Variants in AKAIN1 observed in about 807,000 individuals in gnomAD.
AKAIN1 encodes A-kinase anchor inhibitor 1, also known as A-kinase anchor protein inhibitor 1.
Under a neutral mutation model 3.7 loss-of-function variants are expected in AKAIN1, and 3 were observed. The ratio of observed to expected loss-of-function variants is 0.82; its 90% confidence interval spans 0.37 to 2.12. The LOEUF (loss-of-function observed/expected upper bound fraction) is 2.12. Among genes scored for constraint, AKAIN1 ranks in the 30% most tolerant of loss-of-function variants. AKAIN1 has a pLI of 0.06. For missense variants in AKAIN1, 82 were observed against 82.7 expected, an observed-to-expected ratio of 0.99 and a Z score of 0.03; for synonymous variants, 31 against 30.8, an observed-to-expected ratio of 1.01 and a Z score of -0.02.
chr18:5,196,663 C>T (rs1359894915), intron 1 of AKAIN1, among the ~76,000 whole-genome samples: 1 of 152,212 alleles, frequency 6.6e-6, no homozygotes, highest in African/African-American at 2.4e-5. Flanking sequence ...GAGATTCCCA[C>T]GCAAGTAGCC....
At chr18:5,166,851 T>C (rs185448406) in intron 1 of AKAIN1, among the ~76,000 whole-genome samples, 6 of 152,220 alleles carry the variant, frequency 3.9e-5, no homozygotes, top group South Asian at 2.1e-4. Context: ...GAATCAGTTG[T>C]AGACACTTTT....
chr18:5,161,509 A>G (rs1381193526), intron 1 of AKAIN1, among the ~76,000 whole-genome samples: 1 of 151,788 alleles, frequency 6.6e-6, no homozygotes, highest in Non-Finnish European at 1.5e-5. Context: ...TCCACCTTCT[A>G]TTTATTTATT....
chr18:5,174,805 A>G (rs2071217053), intron 1 of AKAIN1, among the ~76,000 whole-genome samples: 1 of 151,960 alleles, frequency 6.6e-6, no homozygotes, highest in Non-Finnish European at 1.5e-5. Flanking sequence ...AACAGAGCAG[A>G]CTCCACCACG....
At chr18:5,162,878 G>A (rs1208362365) in intron 1 of AKAIN1, among the ~76,000 whole-genome samples, 2 of 151,850 alleles carry the variant, frequency 1.3e-5, no homozygotes, top group African/African-American at 4.8e-5. Context: ...ATAGCCTCAG[G>A]CAGGTCATGG....
At position 5,172,704 on chromosome 18, in the gene AKAIN1, T is replaced by C. The variant is rs552562193; in HGVS notation, c.16+24334A>G. Among the ~76,000 whole-genome samples, 271 of 151,862 alleles carry C rather than the reference T, an allele frequency of 1.8e-3. 2 individuals carry two copies. Among genetic ancestry groups the C allele is most frequent in the African/African-American group, 6.2e-3 (256 of 41,530 alleles). Reference sequence around the variant, plus strand: ...CTTGTTTCTTGGTCTCTTTTATTTATATTTATTAAAAATATATAAAAAATT... The same window carrying C: ...CTTGTTTCTTGGTCTCTTTTATTTACATTTATTAAAAATATATAAAAAATT... On this transcript the variant is annotated intron_variant, in intron 1 of 1. Transcript: ENST00000434239.
chr18:5,175,258 A>G (rs1280023831), intron 1 of AKAIN1, among the ~76,000 whole-genome samples: 2 of 152,140 alleles, frequency 1.3e-5, no homozygotes, highest in Non-Finnish European at 2.9e-5. Flanking sequence ...ACAGTGGCTC[A>G]TGATGCATGT....
At position 5,144,434 on chromosome 18, in the gene AKAIN1, T is replaced by A. The variant is rs972167582; in HGVS notation, c.*1128A>T. On this transcript the variant is annotated 3_prime_UTR_variant, in exon 2 of 2. Transcript: ENST00000434239. Reference sequence around the variant, plus strand: ...GTAGATACTCCAGAAATATGTGCATTATCCTCACAGAAGTGGAGCAGGGAT... The same window carrying A: ...GTAGATACTCCAGAAATATGTGCATAATCCTCACAGAAGTGGAGCAGGGAT... Among the ~76,000 whole-genome samples, 2 of 152,168 alleles carry A rather than the reference T, an allele frequency of 1.3e-5. No homozygotes were observed. Among genetic ancestry groups the A allele is most frequent in the Non-Finnish European group, 2.9e-5 (2 of 68,030 alleles).
At chr18:5,167,201 A>G (rs180708960) in intron 1 of AKAIN1, among the ~76,000 whole-genome samples, 5 of 152,234 alleles carry the variant, frequency 3.3e-5, no homozygotes, top group African/African-American at 1.2e-4. Flanking sequence ...AGAGAAATGT[A>G]CTGAAAGAGT....
chr18:5,177,768 T>C (rs1389058887), intron 1 of AKAIN1, among the ~76,000 whole-genome samples: 1 of 152,146 alleles, frequency 6.6e-6, no homozygotes, highest in Non-Finnish European at 1.5e-5. Flanking sequence ...ATAATATACT[T>C]ACCTCAATAA....
chr18:5,163,714 G>A (rs1380918831), intron 1 of AKAIN1: 1 of 151,976 alleles, frequency 6.6e-6, no homozygotes, highest in Non-Finnish European at 1.5e-5. Context: ...CTTAATTGGA[G>A]TTAATAGGAC....
rs76761214 is a variant in AKAIN1 at position 5,161,133 on chromosome 18, C to T, written c.17-15378G>A. On this transcript the variant is annotated intron_variant, in intron 1 of 1. Coordinates refer to ENST00000434239, the MANE Select transcript of AKAIN1 (RefSeq NM_001145194.2). ...GACTCCATAGTTCCATGGAGCTTCACTGGCTTCACTTGGGAAAATTAGATC... is the reference window on the plus strand; with the variant it reads ...GACTCCATAGTTCCATGGAGCTTCATTGGCTTCACTTGGGAAAATTAGATC... Among the ~76,000 whole-genome samples the T allele has an allele frequency of 7.9e-3, 1,201 of 152,144 alleles. 18 individuals carry two copies. The highest frequency in any genetic ancestry group is 0.026 in the African/African-American group (1,086 of 41,524).
At chr18:5,182,631 T>C (rs561257690) in intron 1 of AKAIN1, among the ~76,000 whole-genome samples, 2 of 152,232 alleles carry the variant, frequency 1.3e-5, no homozygotes, top group East Asian at 3.9e-4. Flanking sequence ...ATCAGTTTTA[T>C]AGAGAAGGAG....
intron 1 of AKAIN1, among the ~76,000 whole-genome samples, chr18:5,179,058 T>A (rs1008396217): frequency 2.0e-5 from 3 of 152,174 alleles, no homozygotes; most frequent in Non-Finnish European, 4.4e-5. Flanking sequence ...AGCACCATTT[T>A]TTAAAATCGA....
In AKAIN1 at chr18:5,197,228, A is replaced by T; in HGVS notation, c.-175T>A. ...CGCTAGATCCTGGGGCCGCAGCTCC[A>T]GCCGCCGCCGCGCGCTCTGCCTCCA... is the stretch of plus-strand genomic sequence containing the variant. On this transcript the variant is annotated 5_prime_UTR_variant, in exon 1 of 2. Transcript: ENST00000434239. The surrounding 1 kb of genome is among the most constrained non-coding windows in gnomAD (Gnocchi z 6.9). 1 of 1,384,818 alleles carries T rather than the reference A, an allele frequency of 7.2e-7. No homozygotes were observed. Among genetic ancestry groups the T allele is most frequent in the Non-Finnish European group, 9.3e-7 (1 of 1,079,520 alleles). 85.8% of individuals were successfully genotyped at this position (1,384,818 alleles called of 1,614,324 possible).
chr18:5,164,865 G>C (rs530473095), intron 1 of AKAIN1, among the ~76,000 whole-genome samples: 1 of 152,104 alleles, frequency 6.6e-6, no homozygotes, highest in Non-Finnish European at 1.5e-5. Flanking sequence ...GATGGGTAAG[G>C]AAAATTGTCA....
intron 1 of AKAIN1, among the ~76,000 whole-genome samples, chr18:5,167,336 C>T (rs72869072): frequency 0.056 from 8,548 of 152,134 alleles, 320 homozygotes; most frequent in Non-Finnish European, 0.078. Context: ...TCTCTTCCGT[C>T]GTATGGCCGC....
At chr18:5,190,653 A>T (rs1056554102) in intron 1 of AKAIN1, among the ~76,000 whole-genome samples, 1 of 152,152 alleles carries the variant, frequency 6.6e-6, no homozygotes, top group Non-Finnish European at 1.5e-5. Flanking sequence ...TGGGTAGCTT[A>T]AACTTTAGAC....
At chr18:5,163,647 C>A (rs2071152035) in intron 1 of AKAIN1, 1 of 151,914 alleles carries the variant, frequency 6.6e-6, no homozygotes, top group Non-Finnish European at 1.5e-5. Flanking sequence ...CTTGAAATTC[C>A]TTGTATGTTA....
At chr18:5,185,557 A>G (rs1349327688) in intron 1 of AKAIN1, among the ~76,000 whole-genome samples, 1 of 152,116 alleles carries the variant, frequency 6.6e-6, no homozygotes, top group African/African-American at 2.4e-5. Flanking sequence ...GACACTTTTC[A>G]GAAGAAGACA....
Sources: gnomAD v4.1 joint callset for allele counts (sites outside exome capture counted in the v4.1 genomes callset) on GRCh38, gnomAD v4.1.1 for gene constraint, Gnocchi (gnomAD v3.1) non-coding constraint, MANE v1.5 for transcripts, NCBI Gene and HGNC (gene_info 2026-07-23, HGNC 2026-07-21) for gene names.